MAML2: variants seen among roughly 807,000 people sequenced by gnomAD.
The protein encoded by MAML2 is mastermind-like protein 2.
Under a neutral mutation model 96.1 loss-of-function variants are expected in MAML2, and 22 were observed. The observed-to-expected ratio is 0.23, with a 90% CI of 0.16 to 0.33. MAML2 has a LOEUF of 0.33. Ranked by LOEUF, MAML2 falls within the 10% of genes least tolerant of loss-of-function variation. The probability of loss-of-function intolerance (pLI) is 1.00; values close to 1 mark genes in which losing one functional copy is unlikely to be tolerated. For missense variants in MAML2, 1,367 were observed against 1,392.4 expected, an observed-to-expected ratio of 0.98 and a Z score of 0.29; for synonymous variants, 561 against 521.3, an observed-to-expected ratio of 1.08 and a Z score of -1.04.
chr11:96,155,553 A>ATATATATATATAT (rs1708969001), intron 1 of MAML2, among the ~76,000 whole-genome samples: 1 of 45,382 alleles, frequency 2.2e-5, no homozygotes, highest in African/African-American at 8.7e-5. Context: ...TATATATATG[A>ATATATATATATAT]GGAAAGTCTC....
chr11:96,084,903 C>T (rs1314779896), intron 2 of MAML2, among the ~76,000 whole-genome samples: 4 of 152,122 alleles, frequency 2.6e-5, no homozygotes, highest in Non-Finnish European at 5.9e-5. Flanking sequence ...GTGGAAAATG[C>T]TAGTGGTTAA....
At chr11:96,264,549 T>A (rs552675175) in intron 1 of MAML2, among the ~76,000 whole-genome samples, 1 of 152,384 alleles carries the variant, frequency 6.6e-6, no homozygotes, top group Non-Finnish European at 1.5e-5. Flanking sequence ...TCAGGTTCTA[T>A]TCCTGACCCT....
At chr11:96,242,856 G>C (rs973333817) in intron 1 of MAML2, among the ~76,000 whole-genome samples, 3 of 152,138 alleles carry the variant, frequency 2.0e-5, no homozygotes, top group Non-Finnish European at 2.9e-5. Context: ...GCCTGTTCTG[G>C]TTGCATGTTT....
intron 1 of MAML2, among the ~76,000 whole-genome samples, chr11:96,309,394 C>T (rs566457829): frequency 1.3e-5 from 2 of 152,324 alleles, no homozygotes; most frequent in Admixed American, 1.3e-4. Context: ...TTCTTACCTA[C>T]AGCCATGGAA....
Position 96,159,404 on chromosome 11 carries a change from ATTCTT to A in MAML2, c.514-65892_514-65888del, listed in dbSNP as rs1489055315. 3.4e-3 allele frequency among the ~76,000 whole-genome samples: 212 copies of A among 61,996 alleles called. 14 individuals carry two copies. The highest frequency in any genetic ancestry group is 0.015 in the East Asian group (21 of 1,432). The allele number at this position is 61,996 out of a possible 152,430, so 40.7% of individuals were successfully genotyped here. ...TACTAACCGTGCCTCTAAACCACTG[ATTCTT>A]TTTTTTTTTTTTTTTTTTTTTGAGA... On this transcript the variant is annotated intron_variant, in intron 1 of 4. Transcript: ENST00000524717.
At chr11:96,308,728 A>T (rs566750227) in intron 1 of MAML2, among the ~76,000 whole-genome samples, 10 of 152,354 alleles carry the variant, frequency 6.6e-5, no homozygotes, top group African/African-American at 2.4e-4. Context: ...TTTATAAAAA[A>T]TGACTAGCTA....
chr11:96,016,668 G>A lies in MAML2; in HGVS notation c.2140-24945C>T, dbSNP rs372430840. On this transcript the variant is annotated intron_variant, in intron 2 of 4. Coordinates refer to ENST00000524717, the MANE Select transcript of MAML2 (RefSeq NM_032427.4). ...TGGGAAGAAGAAGAAGGGCTCCTAT[G>A]TTCATATAAACACAAATATGCAGAT... Among the ~76,000 whole-genome samples, 82 of 152,224 alleles carry A rather than the reference G, an allele frequency of 5.4e-4. 3 individuals carry two copies. In the South Asian group the frequency reaches 0.016, roughly 29 times the overall value.
chr11:96,251,119 G>A (rs956746087), intron 1 of MAML2, among the ~76,000 whole-genome samples: 2 of 152,230 alleles, frequency 1.3e-5, no homozygotes, highest in East Asian at 1.9e-4. Flanking sequence ...TTTCCACCCC[G>A]CCATCCCTCA....
intron 1 of MAML2, among the ~76,000 whole-genome samples, chr11:96,162,664 T>C (rs1318415738): frequency 1.4e-5 from 2 of 148,056 alleles, no homozygotes; most frequent in Non-Finnish European, 3.0e-5. Context: ...TGAGCCGAGA[T>C]TGCGCCCTTG....
At chr11:96,007,517 G>A (rs4534541) in intron 2 of MAML2, among the ~76,000 whole-genome samples, 35,144 of 151,796 alleles carry the variant, frequency 0.23, 4,372 homozygotes, top group East Asian at 0.38. Context: ...ATCTGCTAAC[G>A]AATATATCAA....
chr11:96,305,411 G>A (rs1863449667), intron 1 of MAML2, among the ~76,000 whole-genome samples: 1 of 152,124 alleles, frequency 6.6e-6, no homozygotes, highest in Non-Finnish European at 1.5e-5. Context: ...CCACTCTGGT[G>A]GAGGATGGTG....
At chr11:96,249,580 G>T (rs72977810) in intron 1 of MAML2, among the ~76,000 whole-genome samples, 61 of 152,204 alleles carry the variant, frequency 4.0e-4, no homozygotes, top group Non-Finnish European at 7.1e-4. Context: ...AGTTCTAGCT[G>T]CACGAGTCAC....
At chr11:96,151,202 G>A (rs749815470) in intron 1 of MAML2, among the ~76,000 whole-genome samples, 1 of 151,934 alleles carries the variant, frequency 6.6e-6, no homozygotes, top group Non-Finnish European at 1.5e-5. Flanking sequence ...TCCTTCCTCA[G>A]CTCCTGCCTT....
chr11:96,176,224 T>C (rs1450703326), intron 1 of MAML2, among the ~76,000 whole-genome samples: 2 of 152,160 alleles, frequency 1.3e-5, no homozygotes, highest in African/African-American at 4.8e-5. Flanking sequence ...CCACACTTAT[T>C]TAACCCCACA....
At chr11:96,107,494 A>AT (rs1425968988) in intron 1 of MAML2, among the ~76,000 whole-genome samples, 3 of 152,196 alleles carry the variant, frequency 2.0e-5, no homozygotes, top group African/African-American at 4.8e-5. Context: ...TAAGAAACAT[A>AT]TTTGCTCTCT....
At chr11:96,202,650 G>A (rs1219392638) in intron 1 of MAML2, among the ~76,000 whole-genome samples, 24 of 149,696 alleles carry the variant, frequency 1.6e-4, no homozygotes, top group African/African-American at 5.7e-4. Flanking sequence ...TTTTTGAAAC[G>A]GATTTTCGCT....
chr11:96,178,283 G>A lies in MAML2; in HGVS notation c.514-84766C>T, dbSNP rs483733. Among the ~76,000 whole-genome samples, 868 of 152,238 alleles carry A rather than the reference G, an allele frequency of 5.7e-3. 10 individuals carry two copies. The highest frequency in any genetic ancestry group is 0.02 in the African/African-American group (828 of 41,518). On this transcript the variant is annotated intron_variant, in intron 1 of 4. Coordinates refer to ENST00000524717, the MANE Select transcript of MAML2 (RefSeq NM_032427.4). ...GTGATAAACCGAGGTCGGCTGCCAT[G>A]ATGAGGACATGGTTTCACATGAGTG...
intron 2 of MAML2, among the ~76,000 whole-genome samples, chr11:96,080,232 G>A (rs1392769845): frequency 6.6e-6 from 1 of 152,156 alleles, no homozygotes. Context: ...AAGATGTAAT[G>A]GATACGGCCT....
At chr11:96,120,301 A>G (rs117436520) in intron 1 of MAML2, among the ~76,000 whole-genome samples, 2,751 of 152,304 alleles carry the variant, frequency 0.018, 36 homozygotes, top group Middle Eastern at 0.034. Flanking sequence ...ACAGCTGAGT[A>G]GAGGCAGAGA....
Sources: allele counts gnomAD v4.1 joint callset (sites outside exome capture counted in the v4.1 genomes callset), GRCh38; gene constraint gnomAD v4.1.1; transcripts MANE v1.5; gene names NCBI Gene and HGNC (gene_info 2026-07-23, HGNC 2026-07-21).